Variants in UIMC1 observed in about 807,000 individuals in gnomAD.
The protein encoded by UIMC1 is ubiquitin interaction motif containing 1, also known as BRCA1-A complex subunit RAP80.
In UIMC1, 42 loss-of-function variants were observed where a neutral mutation model predicts 84.9. The ratio of observed to expected loss-of-function variants is 0.49; its 90% CI spans 0.39 to 0.64. The LOEUF (loss-of-function observed/expected upper bound fraction) is 0.64, where lower values mean the gene tolerates loss of function less well. UIMC1 is among the 30% of genes least tolerant of loss of function. The pLI is 0.00. For synonymous variants in UIMC1, 281 were observed against 293.0 expected (o/e 0.96, Z 0.42); for missense variants, 825 against 847.6 (o/e 0.97, Z 0.33).
At position 176,905,244 on chromosome 5, in the gene UIMC1, C is replaced by T. The variant is rs760785106; in HGVS notation, c.*38G>A. The stretch of plus-strand genomic sequence containing the variant: ...GGCTTAATGAACATGGCCCACCCCT[C>T]CTACTAATGGTTTTGTCAACTTTTG... On this transcript the variant is annotated 3_prime_UTR_variant, in exon 15 of 15. Transcript: ENST00000511320. The T allele has an allele frequency of 6.2e-7, 1 of 1,605,836 alleles. No homozygotes were observed. The highest frequency in any genetic ancestry group is 8.5e-7 in the Non-Finnish European group (1 of 1,174,516).
rs191850282 is a variant in UIMC1, at chr5:176,931,461, G to A, written c.1597+11874C>T. Among the ~76,000 whole-genome samples the A allele has an allele frequency of 1.3e-3, 193 of 152,278 alleles. 1 individual carries two copies. The highest frequency in any genetic ancestry group is 4.1e-3 in the African/African-American group (171 of 41,550). ...AACTGCTAAGAGAAATCCTGAGGTG[G>A]GGGGCTCCTTAGCATGAAGGTACAA... On this transcript the variant is annotated intron_variant, in intron 10 of 14. Coordinates refer to ENST00000511320, the MANE Select transcript of UIMC1 (RefSeq NM_001199298.2).
intron 11 of UIMC1, among the ~76,000 whole-genome samples, 162 bp downstream of exon 11, chr5:176,911,149 A>G (rs1760132503): frequency 1.3e-5 from 1 of 75,034 alleles, no homozygotes; most frequent in South Asian, 4.1e-4. Context: ...AGAAAAGAAA[A>G]GAAAAGAAAA....
upstream of UIMC1, among the ~76,000 whole-genome samples, chr5:177,010,562 C>CA (rs1775524515): frequency 6.6e-6 from 1 of 150,940 alleles, no homozygotes; most frequent in East Asian, 1.9e-4. Flanking sequence ...TTTTTTGAGA[C>CA]AAAATCTCAC....
chr5:176,934,927 C>G (rs1474415217), intron 10 of UIMC1, among the ~76,000 whole-genome samples: 1 of 152,220 alleles, frequency 6.6e-6, no homozygotes, highest in Admixed American at 6.5e-5. Flanking sequence ...GAGACATTAT[C>G]TGAGCTCCCA....
chr5:177,021,645 T>G (rs887451929), intron 1 of UIMC1, among the ~76,000 whole-genome samples: 4 of 151,654 alleles, frequency 2.6e-5, no homozygotes, highest in Admixed American at 2.6e-4. Flanking sequence ...TTGGTCGAAG[T>G]AAGGACTTTG....
intron 4 of UIMC1, chr5:176,970,508 T>G (rs577203379): frequency 1.1e-5 from 6 of 546,710 alleles, no homozygotes; most frequent in South Asian, 1.0e-4. Flanking sequence ...CTTTCAACCA[T>G]GAACTAAAAA....
At position 177,020,748 on chromosome 5, in the gene UIMC1, T is replaced by C. The variant is rs930686212; in HGVS notation, c.-9+1716A>G. 5.9e-5 allele frequency among the ~76,000 whole-genome samples: 9 copies of C among 152,292 alleles called. No homozygotes were observed. The East Asian group carries it at 1.7e-3, about 29-fold the overall frequency. On this transcript the variant is annotated intron_variant, in intron 1 of 5. Coordinates refer to the UIMC1 transcript ENST00000509236. ...CCAGGCCTACTGTTAACTTTCTTAT[T>C]GTACTCTCCTCCACTACAATAAAAA...
At chr5:176,985,455 T>A (rs6882822) in intron 1 of UIMC1, among the ~76,000 whole-genome samples, 20,742 of 120,372 alleles carry the variant, frequency 0.17, 1,704 homozygotes, top group East Asian at 0.23. Context: ...GAATTCTGTC[T>A]CAAAAAAAAA....
chr5:177,007,555 G>T (rs1490671623), upstream of UIMC1, among the ~76,000 whole-genome samples: 1 of 152,154 alleles, frequency 6.6e-6, no homozygotes, highest in Non-Finnish European at 1.5e-5. Context: ...GTCAACATTT[G>T]CTAGGTCACA....
chr5:177,017,039 TATGAAATGAAATGAAAA>T (rs1342388566), intron 1 of UIMC1, among the ~76,000 whole-genome samples: 4 of 151,872 alleles, frequency 2.6e-5, no homozygotes, highest in Non-Finnish European at 4.4e-5. Flanking sequence ...TGAAATGAAA[TATGAAATGAAATGAAAA>T]ATGAAATGAA....
intron 1 of UIMC1, among the ~76,000 whole-genome samples, chr5:176,987,448 C>G (rs1245278226): frequency 6.6e-6 from 1 of 151,828 alleles, no homozygotes; most frequent in Non-Finnish European, 1.5e-5. Flanking sequence ...GAGTTTGAGA[C>G]CAGCCTGGCC....
intron 12 of UIMC1, among the ~76,000 whole-genome samples, 186 bp downstream of exon 12, chr5:176,908,337 T>C (rs989043780): frequency 2.0e-5 from 3 of 152,246 alleles, no homozygotes; most frequent in African/African-American, 7.2e-5. Context: ...CCATATTCTC[T>C]ACAATGAACA....
intron 6 of UIMC1, among the ~76,000 whole-genome samples, chr5:176,960,921 G>T (rs1467866820): frequency 1.9e-5 from 1 of 53,870 alleles, no homozygotes; most frequent in African/African-American, 1.5e-4. Context: ...ACGGAGTCTC[G>T]TTCACTCAGT....
intron 1 of UIMC1, among the ~76,000 whole-genome samples, chr5:176,991,918 C>T (rs900928670): frequency 2.6e-5 from 4 of 151,860 alleles, no homozygotes; most frequent in African/African-American, 7.3e-5. Context: ...TGAGACAGAG[C>T]GAGACTCCGT....
At chr5:176,968,321 GAA>G (rs1768634821) in intron 6 of UIMC1, among the ~76,000 whole-genome samples, 1 of 151,216 alleles carries the variant, frequency 6.6e-6, no homozygotes. Context: ...GCAGTGAGCC[GAA>G]GATTGCGCCA....
intron 10 of UIMC1, among the ~76,000 whole-genome samples, chr5:176,923,040 T>C (rs899733783): frequency 3.9e-5 from 6 of 152,228 alleles, no homozygotes; most frequent in African/African-American, 7.2e-5. Flanking sequence ...TTTATAGGCT[T>C]CAAGCCCCTA....
chr5:176,933,540 T>C (rs1763369098), intron 10 of UIMC1, among the ~76,000 whole-genome samples: 1 of 145,468 alleles, frequency 6.9e-6, no homozygotes, highest in African/African-American at 2.5e-5. Flanking sequence ...TTTTTTTTTT[T>C]CTTTTTTTGA....
intron 10 of UIMC1, among the ~76,000 whole-genome samples, chr5:176,938,491 C>T (rs1228806364): frequency 1.3e-5 from 2 of 152,158 alleles, no homozygotes; most frequent in Non-Finnish European, 2.9e-5. Context: ...CCACCTATAC[C>T]CCCAAGCTCT....
intron 3 of UIMC1, among the ~76,000 whole-genome samples, chr5:176,971,430 A>T (rs1416277671): frequency 6.6e-6 from 1 of 152,196 alleles, no homozygotes; most frequent in Admixed American, 6.5e-5. Flanking sequence ...GATGAGCTAG[A>T]ATATTTGTCA....
Sources: allele counts gnomAD v4.1 joint callset (sites outside exome capture counted in the v4.1 genomes callset), GRCh38; gene constraint gnomAD v4.1.1; transcripts MANE v1.5; gene names NCBI Gene and HGNC (gene_info 2026-07-23, HGNC 2026-07-21).